Variants in RGS7 observed in about 807,000 individuals in gnomAD.
The protein encoded by RGS7 is regulator of G-protein signaling 7.
A neutral mutation model predicts 81.1 loss-of-function variants in RGS7; 27 were observed. The observed-to-expected ratio is 0.33, with a 90% confidence interval of 0.25 to 0.46. The LOEUF (loss-of-function observed/expected upper bound fraction) is 0.46. Ranked by LOEUF, RGS7 falls within the 20% of genes least tolerant of loss-of-function variation. The pLI is 1.00. For synonymous variants in RGS7, 208 were observed against 207.7 expected (o/e 1.00, Z -0.01); for missense variants, 396 against 607.4 (o/e 0.65, Z 3.66).
At position 241,264,875 on chromosome 1, in the gene RGS7, TG is replaced by T. The variant is rs1172815176; in HGVS notation, c.78+90823del. Among the ~76,000 whole-genome samples, 4 of 152,308 alleles carry T rather than the reference TG, an allele frequency of 2.6e-5. No individual in the cohort carries two copies. The South Asian group carries it at 8.3e-4, about 32-fold the overall frequency. ...CCTAAAATGAAGCCTCAATATGATA[TG>T]TGCCTTGACATCTTGGAAAAAACAG... On this transcript the variant is annotated intron_variant, in intron 2 of 18. Transcript: ENST00000440928.
At position 240,799,066 on chromosome 1, in the gene RGS7, G is replaced by A. The variant is rs78714830; in HGVS notation, c.*6+1575C>T. Among the ~76,000 whole-genome samples, 704 of 152,076 alleles carry A rather than the reference G, an allele frequency of 4.6e-3. 5 individuals carry two copies. Among genetic ancestry groups the A allele is most frequent in the African/African-American group, 0.016 (662 of 41,474 alleles). On this transcript the variant is annotated intron_variant, in intron 18 of 18. Coordinates refer to ENST00000440928, the MANE Select transcript of RGS7 (RefSeq NM_001364886.1). ...ATCTAAGATGCTTGATACAGCTGCC[G>A]ACCATGAAGTTATAAAATACGGAAC...
chr1:240,954,681 A>C (rs900527195), intron 4 of RGS7, among the ~76,000 whole-genome samples: 1 of 152,184 alleles, frequency 6.6e-6, no homozygotes, highest in Non-Finnish European at 1.5e-5. Context: ...TCTCTCTAAC[A>C]TCAGAAATAA....
rs111383018 is a variant in RGS7, at chr1:241,224,385, T to C, written c.79-125623A>G. ...TCTTGTGATAGTTTGCTGAGAATGA[T>C]GGCTTCCAGATGCATCCATGTCCCT... is the stretch of plus-strand genomic sequence containing the variant. On this transcript the variant is annotated intron_variant, in intron 2 of 18. Coordinates refer to ENST00000440928, the MANE Select transcript of RGS7 (RefSeq NM_001364886.1). Among the ~76,000 whole-genome samples, 118 of 152,236 alleles carry C rather than the reference T, an allele frequency of 7.8e-4. 2 individuals carry two copies. The Middle Eastern group carries it at 0.017, about 22-fold the overall frequency.
At chr1:241,096,231 A>C (rs2064244281) in intron 3 of RGS7, among the ~76,000 whole-genome samples, 1 of 152,228 alleles carries the variant, frequency 6.6e-6, no homozygotes, top group Admixed American at 6.5e-5. Context: ...TGGGAAAGCC[A>C]GCAGTCCGTT....
chr1:240,969,167 C>T (rs1163994483), intron 4 of RGS7, among the ~76,000 whole-genome samples: 1 of 152,124 alleles, frequency 6.6e-6, no homozygotes, highest in Non-Finnish European at 1.5e-5. Context: ...CTTTTCTTTT[C>T]TTTTCTTTTC....
At chr1:241,307,464 T>C (rs1225248657) in intron 2 of RGS7, among the ~76,000 whole-genome samples, 1 of 152,182 alleles carries the variant, frequency 6.6e-6, no homozygotes, top group African/African-American at 2.4e-5. Context: ...AGTAGGCCCT[T>C]TAAATCTATT....
chr1:241,210,800 G>A (rs2074200287), intron 2 of RGS7, among the ~76,000 whole-genome samples: 1 of 152,174 alleles, frequency 6.6e-6, no homozygotes, highest in Admixed American at 6.5e-5. Context: ...GGCAGTGGCT[G>A]AAATCAGATG....
intron 4 of RGS7, among the ~76,000 whole-genome samples, chr1:240,979,584 G>C (rs1351947000): frequency 6.6e-6 from 1 of 152,200 alleles, no homozygotes; most frequent in Non-Finnish European, 1.5e-5. Flanking sequence ...ACGTTTCGGG[G>C]AGAGGCCTTA....
chr1:241,266,178 G>A (rs1004117096), intron 2 of RGS7, among the ~76,000 whole-genome samples: 1 of 152,144 alleles, frequency 6.6e-6, no homozygotes, highest in Non-Finnish European at 1.5e-5. Flanking sequence ...AAGAGCTCAA[G>A]GGGAATTGTG....
intron 2 of RGS7, among the ~76,000 whole-genome samples, chr1:241,205,076 A>ATTTTTTT (rs10649310): frequency 7.9e-6 from 1 of 126,028 alleles, no homozygotes; most frequent in African/African-American, 3.0e-5. Flanking sequence ...TTCATTTGTG[A>ATTTTTTT]TTTTTTTTTT....
At chr1:241,288,991 A>G (rs1044044057) in intron 2 of RGS7, among the ~76,000 whole-genome samples, 10 of 152,222 alleles carry the variant, frequency 6.6e-5, no homozygotes, top group African/African-American at 2.2e-4. Flanking sequence ...CTCAGTGATT[A>G]TATAAATCCA....
intron 3 of RGS7, among the ~76,000 whole-genome samples, chr1:241,073,560 T>G (rs1359360721): frequency 6.6e-6 from 1 of 152,240 alleles, no homozygotes; most frequent in African/African-American, 2.4e-5. Flanking sequence ...CCAGGGCAGA[T>G]AAAACACAAT....
rs559906105 is a variant in RGS7, at chr1:240,787,387, G to A, written c.*7-11174C>T. The stretch of plus-strand genomic sequence containing the variant: ...ATTCATTTTAAAAAGGAGTTTACCA[G>A]ATTTGAGCACAGGAACTTGCTTTAA... On this transcript the variant is annotated intron_variant, in intron 18 of 18. Coordinates refer to ENST00000440928, the MANE Select transcript of RGS7 (RefSeq NM_001364886.1). 8.5e-5 allele frequency among the ~76,000 whole-genome samples: 13 copies of A among 152,280 alleles called. No homozygotes were observed. In the East Asian group the frequency reaches 1.9e-3, roughly 23 times the overall value.
At chr1:241,241,366 T>A (rs1300675388) in intron 2 of RGS7, among the ~76,000 whole-genome samples, 1 of 151,924 alleles carries the variant, frequency 6.6e-6, no homozygotes, top group Non-Finnish European at 1.5e-5. Context: ...CCACAATTAC[T>A]TTTGCACCAA....
At chr1:241,254,883 A>T in intron 2 of RGS7, among the ~76,000 whole-genome samples, 1 of 152,206 alleles carries the variant, frequency 6.6e-6, no homozygotes, top group East Asian at 1.9e-4. Flanking sequence ...CCTGAGGCTG[A>T]TGCCAAAAGT....
intron 2 of RGS7, among the ~76,000 whole-genome samples, chr1:241,243,008 T>C (rs2076337768): frequency 1.3e-5 from 2 of 152,092 alleles, no homozygotes; most frequent in Non-Finnish European, 2.9e-5. Context: ...TTTATCTCTG[T>C]TTTTATTGCA....
At position 241,262,739 on chromosome 1, in the gene RGS7, G is replaced by A. The variant is rs112980966; in HGVS notation, c.78+92960C>T. 4.5e-3 allele frequency among the ~76,000 whole-genome samples: 685 copies of A among 152,224 alleles called. 4 individuals are homozygous for A. Among genetic ancestry groups the A allele is most frequent in the African/African-American group, 0.015 (617 of 41,530 alleles). ...ACTTCTTCAAAAGAGTCATGGTTAC[G>A]GGTAGTCTCTGCTTTTGGTGTTTCT... On this transcript the variant is annotated intron_variant, in intron 2 of 18. Transcript: ENST00000440928.
intron 4 of RGS7, among the ~76,000 whole-genome samples, chr1:240,954,873 T>C (rs1680113794): frequency 6.6e-6 from 1 of 152,198 alleles, no homozygotes; most frequent in African/African-American, 2.4e-5. Flanking sequence ...AAAACACTCC[T>C]GAAATTTAAA....
chr1:241,024,982 C>T (rs679992), intron 3 of RGS7, among the ~76,000 whole-genome samples: 67,194 of 151,916 alleles, frequency 0.44, 15,248 homozygotes, highest in Middle Eastern at 0.54. Context: ...TTTCAAGTAC[C>T]GTAATAGCTT....
Sources: gnomAD v4.1 joint callset for allele counts (sites outside exome capture counted in the v4.1 genomes callset) on GRCh38, gnomAD v4.1.1 for gene constraint, MANE v1.5 for transcripts, NCBI Gene and HGNC (gene_info 2026-07-23, HGNC 2026-07-21) for gene names.